HS3ST2: variants seen among roughly 807,000 people sequenced by gnomAD.
The protein encoded by HS3ST2 is heparan sulfate glucosamine 3-O-sulfotransferase 2.
Under a neutral mutation model 26.3 loss-of-function variants are expected in HS3ST2, and 17 were observed. That is an observed-to-expected ratio of 0.65 (90% CI 0.44 to 0.97). The LOEUF (loss-of-function observed/expected upper bound fraction) is 0.97. Ranked by LOEUF, HS3ST2 falls within the 50% of genes least tolerant of loss-of-function variation. HS3ST2 has a pLI of 0.00. For synonymous variants in HS3ST2, 237 were observed against 219.2 expected (o/e 1.08, Z -0.72); for missense variants, 402 against 501.2 (o/e 0.80, Z 1.89).
chr16:22,846,066 T>C (rs2141183875), intron 1 of HS3ST2, among the ~76,000 whole-genome samples: 1 of 152,252 alleles, frequency 6.6e-6, no homozygotes, highest in Middle Eastern at 3.4e-3. Flanking sequence ...TCACCTGAGG[T>C]CAGGAGTTCA....
rs1901499761 is a variant in HS3ST2 at position 22,850,301 on chromosome 16, A to G, written c.485+35206A>G. Among the ~76,000 whole-genome samples, 2 of 152,104 alleles carry G rather than the reference A, an allele frequency of 1.3e-5. 1 individual carries two copies. The highest frequency in any genetic ancestry group is 4.2e-4 in the South Asian group (2 of 4,808). ...ACTCTAGTAACTATGTCAGGGCTCG[A>G]ATGGGTGTAATACTCTCGGTAGGTA... On this transcript the variant is annotated intron_variant, in intron 1 of 1. Transcript: ENST00000261374.
At chr16:22,844,860 T>A (rs936166687) in intron 1 of HS3ST2, among the ~76,000 whole-genome samples, 1 of 144,122 alleles carries the variant, frequency 6.9e-6, no homozygotes, top group African/African-American at 2.5e-5. Flanking sequence ...CTTTTCTTTC[T>A]TTTTTTTTTT....
intron 1 of HS3ST2, among the ~76,000 whole-genome samples, chr16:22,819,049 T>C (rs138154234): frequency 1.2e-4 from 3 of 25,022 alleles, no homozygotes; most frequent in African/African-American, 1.7e-4. Context: ...ATTCCTTCCT[T>C]CCTTCCTTCC....
At chr16:22,870,061 C>T (rs1008275132) in intron 1 of HS3ST2, among the ~76,000 whole-genome samples, 2 of 152,098 alleles carry the variant, frequency 1.3e-5, no homozygotes, top group African/African-American at 2.4e-5. Context: ...TCCAAGCCTA[C>T]AGGTAAGGAA....
At chr16:22,830,124 G>A (rs750943614) in intron 1 of HS3ST2, among the ~76,000 whole-genome samples, 1 of 150,034 alleles carries the variant, frequency 6.7e-6, no homozygotes, top group Non-Finnish European at 1.5e-5. Context: ...CTCGCTGTAG[G>A]ATGTTGAGTT....
intron 1 of HS3ST2, among the ~76,000 whole-genome samples, chr16:22,823,058 A>G (rs1901024165): frequency 6.6e-6 from 1 of 152,168 alleles, no homozygotes; most frequent in Admixed American, 6.5e-5. Flanking sequence ...TCTAACACAT[A>G]CTGTGCAAGT....
intron 1 of HS3ST2, among the ~76,000 whole-genome samples, chr16:22,894,241 TC>T (rs1432917542): frequency 6.6e-6 from 1 of 152,170 alleles, no homozygotes; most frequent in African/African-American, 2.4e-5. Context: ...CTGCCAGCGT[TC>T]TAGCTTGGTG....
At chr16:22,900,315 A>G (rs1015262692) in intron 1 of HS3ST2, among the ~76,000 whole-genome samples, 2 of 152,214 alleles carry the variant, frequency 1.3e-5, no homozygotes, top group African/African-American at 4.8e-5. Flanking sequence ...ACTTGGTACC[A>G]TCACTGTCCC....
chr16:22,899,681 G>A (rs541161926), intron 1 of HS3ST2, among the ~76,000 whole-genome samples: 1 of 152,316 alleles, frequency 6.6e-6, no homozygotes, highest in African/African-American at 2.4e-5. Flanking sequence ...CAGAATCATG[G>A]CGAAAGGTGA....
At chr16:22,908,193 T>C (rs775572114) in intron 1 of HS3ST2, among the ~76,000 whole-genome samples, 2 of 151,996 alleles carry the variant, frequency 1.3e-5, no homozygotes, top group Non-Finnish European at 2.9e-5. Flanking sequence ...CCAGAATGGT[T>C]TGGGGAGAGT....
Position 22,814,706 on chromosome 16 carries a change from C to A in HS3ST2, c.96C>A (p.Tyr32Ter). 1.9e-6 allele frequency: 3 copies of A among 1,608,698 alleles called. No homozygotes were observed. Among genetic ancestry groups the A allele is most frequent in the Admixed American group, 1.7e-5 (1 of 59,776 alleles). ...TCACGCTCTCGCTCTCCTGCACTTA[C>A]CTGTGTTACAGCTTCCTGTGCTGCT... ...FAFTLSLSCT[Y>*]LCYSFLCCCD... Residue 32 changes from tyrosine to a stop codon, truncating the protein, a stop_gained, in exon 1 of 2, where the codon TAC becomes TAA. Transcript: ENST00000261374. LOFTEE classifies it high-confidence loss of function.
intron 1 of HS3ST2, among the ~76,000 whole-genome samples, chr16:22,870,584 A>T (rs1901822924): frequency 1.3e-5 from 2 of 151,218 alleles, no homozygotes; most frequent in Non-Finnish European, 3.0e-5. Flanking sequence ...CTCCCCTGCT[A>T]CTCTCTTTTG....
intron 1 of HS3ST2, among the ~76,000 whole-genome samples, chr16:22,829,182 G>A (rs1366402910): frequency 6.6e-6 from 1 of 152,182 alleles, no homozygotes; most frequent in African/African-American, 2.4e-5. Context: ...TTTCAGCTGG[G>A]AACAGTGGCC....
At chr16:22,842,311 C>T (rs1347742244) in intron 1 of HS3ST2, among the ~76,000 whole-genome samples, 1 of 152,106 alleles carries the variant, frequency 6.6e-6, no homozygotes, top group Non-Finnish European at 1.5e-5. Context: ...AATTCACCCG[C>T]CTCAGCCTCC....
At position 22,824,495 on chromosome 16, in the gene HS3ST2, C is replaced by T. The variant is rs572632892; in HGVS notation, c.485+9400C>T. ...CCGGGAGGCAGAGCTTGCAGTGAGC[C>T]GAGATAGAGCCACTGCACTCCAGCC... On this transcript the variant is annotated intron_variant, in intron 1 of 1. Transcript: ENST00000261374. 7.2e-4 allele frequency among the ~76,000 whole-genome samples: 110 copies of T among 152,034 alleles called. 1 individual carries two copies. In the Middle Eastern group the frequency reaches 0.01, roughly 14 times the overall value.
intron 1 of HS3ST2, among the ~76,000 whole-genome samples, chr16:22,817,115 T>G (rs1048315428): frequency 1.2e-4 from 18 of 152,142 alleles, no homozygotes; most frequent in African/African-American, 4.1e-4. Context: ...TATTTTTTAT[T>G]TATTTATTTT....
At chr16:22,868,367 C>CTG (rs1901785567) in intron 1 of HS3ST2, among the ~76,000 whole-genome samples, 1 of 144,194 alleles carries the variant, frequency 6.9e-6, no homozygotes, top group Non-Finnish European at 1.5e-5. Flanking sequence ...CAAGATCAGG[C>CTG]CACTGCACTC....
rs1398834548 is a variant in HS3ST2, at chr16:22,875,343, T to C, written c.486-39601T>C. Among the ~76,000 whole-genome samples the C allele has an allele frequency of 3.9e-5, 6 of 152,142 alleles. No homozygotes were observed. The South Asian group carries it at 8.3e-4, about 21-fold the overall frequency. On this transcript the variant is annotated intron_variant, in intron 1 of 1. Transcript: ENST00000261374. ...CTCAGATTCACTCACACACTTGTTA[T>C]TGAAGACAGAAAAATACTTTTAATA...
chr16:22,880,793 T>A (rs1901979666), intron 1 of HS3ST2, among the ~76,000 whole-genome samples: 1 of 152,184 alleles, frequency 6.6e-6, no homozygotes. Context: ...CTGGTAGAAA[T>A]AAGTGTCTTT....
Sources: allele counts gnomAD v4.1 joint callset (sites outside exome capture counted in the v4.1 genomes callset), GRCh38; gene constraint gnomAD v4.1.1; transcripts MANE v1.5; gene names NCBI Gene and HGNC (gene_info 2026-07-23, HGNC 2026-07-21).